The following LONRF3 variants were observed in gnomAD, a reference collection of about 807,000 sequenced individuals.
LONRF3 encodes LON peptidase N-terminal domain and RING finger protein 3.
LONRF3 carries 19 observed loss-of-function variants against 51.7 expected under a neutral mutation model. The observed-to-expected ratio is 0.37, with a 90% confidence interval of 0.26 to 0.54. The LOEUF (loss-of-function observed/expected upper bound fraction) is 0.54, where lower values mean the gene tolerates loss of function less well. Ranked by LOEUF, LONRF3 falls within the 20% of genes least tolerant of loss-of-function variation. The probability of loss-of-function intolerance (pLI) is 0.86; values close to 1 mark genes in which losing one functional copy is unlikely to be tolerated. For missense variants in LONRF3, 521 were observed against 623.9 expected (o/e 0.84, Z 1.76); for synonymous variants, 265 against 257.8 (o/e 1.03, Z -0.27).
chrX:119,017,927 G>A lies in LONRF3; in HGVS notation c.*237G>A. 2 of 267,248 alleles carry A rather than the reference G, an allele frequency of 7.5e-6. No homozygotes were observed. The highest frequency in any genetic ancestry group is 1.3e-5 in the Non-Finnish European group (2 of 152,502). The allele number at this position is 267,248 out of a possible 1,213,427, so 22.0% of individuals were successfully genotyped here. On this transcript the variant is annotated 3_prime_UTR_variant, in exon 11 of 11. Coordinates refer to ENST00000371628, the MANE Select transcript of LONRF3 (RefSeq NM_001031855.3). ...CTGCATAACTACATAAACAGCAGAG[G>A]TGTTTAAGAGCCCAGAAAAACATAA...
chrX:118,980,752 C>A (rs180791984), intron 2 of LONRF3, among the ~76,000 whole-genome samples: 7 of 111,486 alleles, frequency 6.3e-5, no homozygotes, highest in African/African-American at 2.0e-4. Context: ...AGAGGACTTG[C>A]AACTCTTTCC....
At chrX:119,013,410 A>G (rs1020022041) in intron 9 of LONRF3, among the ~76,000 whole-genome samples, 5 of 112,290 alleles carry the variant, frequency 4.5e-5, no homozygotes, top group Non-Finnish European at 7.5e-5. Flanking sequence ...TTAGCTGCTG[A>G]GTTGCATTCA....
chrX:118,975,200 G>T lies in LONRF3; in HGVS notation c.420G>T (p.Glu140Asp). 2 of 1,169,432 alleles carry T rather than the reference G, an allele frequency of 1.7e-6. No individual in the cohort carries two copies. The highest frequency in any genetic ancestry group is 2.3e-6 in the Non-Finnish European group (2 of 877,249). The change falls in exon 1 of 11, where the codon GAG (glutamate) becomes GAT (aspartate). Residue 140 changes from glutamate to aspartate, a missense_variant. Around this residue, in one of 2 missense-constraint regions of LONRF3, gnomAD observed 376 missense variants for 376.7 expected, o/e 1.00. Transcript: ENST00000371628. ...STASGTVAAE[E>D]TGAAAAAAAT... ...CAAGCGGCACCGTGGCGGCGGAAGA[G>T]ACGGGGGCCGCCGCGGCTGCGGCGG...
In LONRF3 at chrX:118,975,156, C is replaced by T. The variant is rs781570476; in HGVS notation, c.376C>T (p.Pro126Ser). ...AGGCGAGGCGCTGGCGCCGGCGCCC[C>T]CGGACGAGGGTAGCACTGCAAGCGG... ...PQGEALAPAP[P>S]DEGSTASGTV... The change falls in exon 1 of 11, where the codon CCG becomes TCG. Residue 126 changes from proline to serine, a missense_variant. By Grantham distance (74) the Pro-to-Ser change is moderately conservative. Coordinates refer to ENST00000371628, the MANE Select transcript of LONRF3 (RefSeq NM_001031855.3). 1 of 1,171,193 alleles carries T rather than the reference C, an allele frequency of 8.5e-7. No homozygotes were observed. The highest frequency in any genetic ancestry group is 1.1e-6 in the Non-Finnish European group (1 of 875,630).
At chrX:119,000,849 C>T (rs190539043) in intron 5 of LONRF3, among the ~76,000 whole-genome samples, 315 of 97,463 alleles carry the variant, frequency 3.2e-3, no homozygotes, top group African/African-American at 0.011. Context: ...CACTGTCACT[C>T]TCTCTTCCTC....
chrX:118,990,413 T>A, intron 4 of LONRF3, 57 bp from the exon 5 acceptor site: 1 of 916,688 alleles, frequency 1.1e-6, no homozygotes, highest in Non-Finnish European at 1.6e-6. Flanking sequence ...GCCTCAGAAG[T>A]ACTATCTATG....
chrX:118,994,978 G>T (rs770089277), intron 5 of LONRF3, among the ~76,000 whole-genome samples: 1 of 112,174 alleles, frequency 8.9e-6, no homozygotes, highest in African/African-American at 3.2e-5. Flanking sequence ...TTATGCCTTG[G>T]AACAAATGGA....
rs1225788684 is a variant in LONRF3, at chrX:118,975,018, C to T, written c.238C>T (p.Arg80Trp). 1.7e-6 allele frequency: 2 copies of T among 1,171,617 alleles called. No homozygotes were observed. The highest frequency in any genetic ancestry group is 2.3e-4 in the Middle Eastern group (1 of 4,283). The change falls in exon 1 of 11, where the codon CGG (arginine) becomes TGG (tryptophan). Residue 80 changes from arginine to tryptophan, a missense_variant. Physicochemically the swap from Arg to Trp is moderately radical, Grantham distance 101. This residue lies in a region of LONRF3 where 376 missense variants were observed against 376.7 expected (regional missense o/e 1.00). Coordinates refer to ENST00000371628, the MANE Select transcript of LONRF3 (RefSeq NM_001031855.3). ...CACGCAGGCAGACGCCTTGGCGTCC[C>T]GGGGGCGAATCCGTGAAGCCCTCGA... ...LLTQADALAS[R>W]GRIREALEVY...
intron 2 of LONRF3, among the ~76,000 whole-genome samples, chrX:118,980,705 C>T (rs1316309062): frequency 9.0e-6 from 1 of 111,322 alleles, no homozygotes; most frequent in Non-Finnish European, 1.9e-5. Context: ...CACTTTCAGC[C>T]TCCCAGTAGT....
At chrX:119,003,664 TC>T (rs753567396) in intron 5 of LONRF3, among the ~76,000 whole-genome samples, 1 of 112,410 alleles carries the variant, frequency 8.9e-6, no homozygotes, top group Non-Finnish European at 1.9e-5. Flanking sequence ...GTAGAGTGAG[TC>T]CTCCCACATC....
At chrX:118,978,109 C>A (rs888454359) in intron 1 of LONRF3, among the ~76,000 whole-genome samples, 3 of 111,430 alleles carry the variant, frequency 2.7e-5, no homozygotes, top group Non-Finnish European at 5.7e-5. Context: ...CTCTAATGAA[C>A]CACTTGTGAG....
intron 5 of LONRF3, among the ~76,000 whole-genome samples, chrX:119,005,360 C>A (rs1466646897): frequency 3.6e-5 from 4 of 111,638 alleles, no homozygotes; most frequent in Admixed American, 9.5e-5. Context: ...TAAAAGGATT[C>A]CCACATTGCT....
At position 119,013,777 on chromosome X, in the gene LONRF3, T is replaced by A. The variant is rs185395052; in HGVS notation, c.1975-430T>A. Among the ~76,000 whole-genome samples the A allele has an allele frequency of 8.0e-5, 9 of 112,087 alleles. No homozygotes were observed. The East Asian group carries it at 2.5e-3, about 31-fold the overall frequency. On this transcript the variant is annotated intron_variant, in intron 9 of 10. Coordinates refer to ENST00000371628, the MANE Select transcript of LONRF3 (RefSeq NM_001031855.3). ...TTGTTACATAGTAGATTAATAAATA[T>A]CTGATGACTGAGTAAATGTGTTTGA...
intron 7 of LONRF3, among the ~76,000 whole-genome samples, chrX:119,010,649 C>G (rs1436457634): frequency 9.0e-6 from 1 of 111,434 alleles, no homozygotes; most frequent in Non-Finnish European, 1.9e-5. Context: ...GTAAATGAAT[C>G]CTGAACTTGA....
chrX:119,010,862 C>G (rs1022368318), intron 7 of LONRF3, among the ~76,000 whole-genome samples: 17 of 111,005 alleles, frequency 1.5e-4, no homozygotes, highest in Non-Finnish European at 3.0e-4. Context: ...GCGTGTAATC[C>G]TAGTATTTTG....
At chrX:119,009,872 C>T (rs760019830) in intron 7 of LONRF3, among the ~76,000 whole-genome samples, 3 of 111,046 alleles carry the variant, frequency 2.7e-5, no homozygotes, top group Non-Finnish European at 3.8e-5. Flanking sequence ...CGGGTTCAAG[C>T]GATTCTCCTG....
rs1603252281 is a variant in LONRF3 at position 118,997,863 on chromosome X, A to G, written c.1415+7303A>G. On this transcript the variant is annotated intron_variant, in intron 5 of 10. Transcript: ENST00000371628. ...GAAGATACACAAATGGCCAACAAAC[A>G]TAAAGAAATGCTCAGCATCACTAAT... 5.3e-5 allele frequency among the ~76,000 whole-genome samples: 6 copies of G among 112,933 alleles called. 1 individual carries two copies. In the Admixed American group the frequency reaches 5.6e-4, roughly 11 times the overall value.
Position 118,975,128 on chromosome X carries a change from G to A in LONRF3, c.348G>A (p.Pro116=). The change falls in exon 1 of 11, where the codon CCG becomes CCA. Residue 116 remains proline, a synonymous_variant. Transcript: ENST00000371628. The stretch of plus-strand genomic sequence containing the variant: ...TGCGCTGCCTGGCGGAGAAAGTCCC[G>A]CAAGGCGAGGCGCTGGCGCCGGCGC... ...QLVRCLAEKV[P]QGEALAPAPP... is the part of the protein sequence containing the mutation. The A allele has an allele frequency of 1.7e-6, 2 of 1,169,025 alleles. No individual in the cohort carries two copies. The highest frequency in any genetic ancestry group is 1.1e-6 in the Non-Finnish European group (1 of 874,468).
intron 5 of LONRF3, among the ~76,000 whole-genome samples, chrX:118,997,517 A>G (rs1395550753): frequency 8.9e-6 from 1 of 112,903 alleles, no homozygotes; most frequent in Non-Finnish European, 1.9e-5. Context: ...TAAAAACTCT[A>G]GAAGATAACA....
Sources: gnomAD v4.1 joint callset for allele counts (sites outside exome capture counted in the v4.1 genomes callset) on GRCh38, gnomAD v4.1.1 for gene constraint, gnomAD v4.1.1 regional missense constraint, MANE v1.5 for transcripts, NCBI Gene and HGNC (gene_info 2026-07-23, HGNC 2026-07-21) for gene names.